The following SORCS3 variants were observed in gnomAD, a reference collection of about 807,000 sequenced individuals.
SORCS3 encodes sortilin related VPS10 domain containing receptor 3.
In SORCS3, 57 loss-of-function variants were observed where a neutral mutation model predicts 146.3. The ratio of observed to expected loss-of-function variants is 0.39; its 90% confidence interval spans 0.31 to 0.49. The LOEUF (loss-of-function observed/expected upper bound fraction) is 0.49, where lower values mean the gene tolerates loss of function less well. SORCS3 is among the 20% of genes least tolerant of loss of function. The pLI is 0.92. For missense variants in SORCS3, 1,341 were observed against 1,575.5 expected, an observed-to-expected ratio of 0.85 and a Z score of 2.52; for synonymous variants, 653 against 618.5, an observed-to-expected ratio of 1.06 and a Z score of -0.83.
intron 1 of SORCS3, among the ~76,000 whole-genome samples, chr10:104,729,437 C>A (rs564227262): frequency 9.2e-5 from 14 of 152,158 alleles, no homozygotes; most frequent in Non-Finnish European, 1.8e-4. Flanking sequence ...GCATTGTTAA[C>A]ATTTCCTTTA....
chr10:104,890,945 A>G (rs918695669), intron 2 of SORCS3, among the ~76,000 whole-genome samples: 1 of 152,226 alleles, frequency 6.6e-6, no homozygotes, highest in African/African-American at 2.4e-5. Flanking sequence ...TGTTGTAGAT[A>G]TCTGCTTCTA....
chr10:105,245,809 C>T (rs2056862811), intron 21 of SORCS3, 144 bp downstream of exon 21: 5 of 962,006 alleles, frequency 5.2e-6, no homozygotes, highest in East Asian at 5.4e-5. Flanking sequence ...CCAAACCTAC[C>T]TCCGACCTAG....
chr10:104,944,291 T>G (rs2019348020), intron 3 of SORCS3, among the ~76,000 whole-genome samples: 1 of 152,238 alleles, frequency 6.6e-6, no homozygotes, highest in Non-Finnish European at 1.5e-5. Flanking sequence ...ATTATCTTCA[T>G]GACTTCTGTA....
At chr10:104,691,299 A>G (rs2016108466) in intron 1 of SORCS3, among the ~76,000 whole-genome samples, 2 of 152,226 alleles carry the variant, frequency 1.3e-5, no homozygotes. Context: ...TGGGAGGAAA[A>G]TGAAAAAGAC....
At chr10:104,846,350 A>G (rs1260173138) in intron 2 of SORCS3, among the ~76,000 whole-genome samples, 2 of 152,212 alleles carry the variant, frequency 1.3e-5, no homozygotes, top group East Asian at 1.9e-4. Flanking sequence ...CTAGAGCCGT[A>G]TGATTTCCCT....
chr10:104,826,755 C>G (rs1245850641), intron 1 of SORCS3, among the ~76,000 whole-genome samples: 3 of 152,186 alleles, frequency 2.0e-5, no homozygotes, highest in African/African-American at 7.2e-5. Flanking sequence ...TTGGTTGACT[C>G]TTCTTTCATG....
intron 6 of SORCS3, among the ~76,000 whole-genome samples, chr10:105,097,841 G>A (rs552305459): frequency 6.6e-6 from 1 of 152,258 alleles, no homozygotes; most frequent in Admixed American, 6.5e-5. Flanking sequence ...GTCCCATGGG[G>A]CACTGTGATA....
chr10:105,021,705 C>T (rs1291214788), intron 4 of SORCS3, among the ~76,000 whole-genome samples: 1 of 152,140 alleles, frequency 6.6e-6, no homozygotes, highest in East Asian at 1.9e-4. Context: ...TTTGCCCTTA[C>T]AAGTACCAGG....
intron 3 of SORCS3, among the ~76,000 whole-genome samples, chr10:104,940,104 T>TATCTCTTGATCATATGCTAAACAAG (rs2019296545): frequency 6.6e-6 from 1 of 150,574 alleles, no homozygotes; most frequent in Non-Finnish European, 1.5e-5. Flanking sequence ...TTTTTATGGT[T>TATCTCTTGATCATATGCTAAACAAG]ATCTCTTGAT....
chr10:104,888,989 A>G (rs1456884979), intron 2 of SORCS3, among the ~76,000 whole-genome samples: 1 of 152,194 alleles, frequency 6.6e-6, no homozygotes. Context: ...ATGCATAAAC[A>G]TTAGGATTGT....
intron 9 of SORCS3, among the ~76,000 whole-genome samples, chr10:105,148,659 C>T (rs2488542): frequency 0.52 from 79,127 of 151,800 alleles, 20,931 homozygotes; most frequent in Middle Eastern, 0.56. Context: ...GAAAGAGATA[C>T]GTTGTCTATT....
At chr10:105,250,526 G>T (rs548321272) in intron 22 of SORCS3, among the ~76,000 whole-genome samples, 1 of 152,238 alleles carries the variant, frequency 6.6e-6, no homozygotes, top group East Asian at 1.9e-4. Context: ...CAAGGTCTCT[G>T]TAAGGGCCTT....
Position 104,946,789 on chromosome 10 carries a change from A to G in SORCS3, c.796-30546A>G, listed in dbSNP as rs868082089. On this transcript the variant is annotated intron_variant, in intron 3 of 26. Coordinates refer to ENST00000369701, the MANE Select transcript of SORCS3 (RefSeq NM_014978.3). ...GAACCCATCACATGTGGCCCAAGGG[A>G]GCAGAGGCATCAGAGCATGCTTCTT... is the stretch of plus-strand genomic sequence containing the variant. 5.3e-5 allele frequency among the ~76,000 whole-genome samples: 8 copies of G among 152,256 alleles called. No homozygotes were observed. In the Middle Eastern group the frequency reaches 0.01, roughly 194 times the overall value.
intron 7 of SORCS3, among the ~76,000 whole-genome samples, chr10:105,138,610 C>A (rs2056074386): frequency 6.6e-6 from 1 of 152,236 alleles, no homozygotes; most frequent in African/African-American, 2.4e-5. Flanking sequence ...AGAGAGCAGC[C>A]ATCTGCAGAG....
At chr10:105,201,712 A>C (rs539980965) in intron 16 of SORCS3, among the ~76,000 whole-genome samples, 1 of 152,230 alleles carries the variant, frequency 6.6e-6, no homozygotes, top group East Asian at 1.9e-4. Context: ...ATGAAATTCA[A>C]ATCTCACCTA....
At chr10:105,009,950 T>A (rs984469971) in intron 4 of SORCS3, among the ~76,000 whole-genome samples, 2 of 152,168 alleles carry the variant, frequency 1.3e-5, no homozygotes, top group African/African-American at 2.4e-5. Context: ...TATTGAAATA[T>A]TCCCTCTTTA....
At chr10:104,897,982 G>T (rs1314550931) in intron 2 of SORCS3, among the ~76,000 whole-genome samples, 1 of 152,192 alleles carries the variant, frequency 6.6e-6, no homozygotes, top group Non-Finnish European at 1.5e-5. Context: ...CTCCATGATT[G>T]CACATCTGTT....
At chr10:105,241,437 C>T (rs556169601) in intron 20 of SORCS3, among the ~76,000 whole-genome samples, 1 of 152,362 alleles carries the variant, frequency 6.6e-6, no homozygotes, top group South Asian at 2.1e-4. Context: ...TTTAGCTCTA[C>T]CATCTGCGGA....
chr10:105,063,702 G>T lies in SORCS3; in HGVS notation c.1028+20574G>T, dbSNP rs554914871. 9.2e-5 allele frequency among the ~76,000 whole-genome samples: 14 copies of T among 152,308 alleles called. No homozygotes were observed. The East Asian group carries it at 2.7e-3, about 29-fold the overall frequency. On this transcript the variant is annotated intron_variant, in intron 5 of 26. Transcript: ENST00000369701. Reference sequence around the variant, plus strand: ...GCAAGGTATTTCCACCAGAGCATTTGCACCTTCACACTTGGAGCACTGTGG... The same window carrying T: ...GCAAGGTATTTCCACCAGAGCATTTTCACCTTCACACTTGGAGCACTGTGG...
Sources: allele counts gnomAD v4.1 joint callset (sites outside exome capture counted in the v4.1 genomes callset), GRCh38; gene constraint gnomAD v4.1.1; transcripts MANE v1.5; gene names NCBI Gene and HGNC (gene_info 2026-07-23, HGNC 2026-07-21).